NCKAP5: variants seen among roughly 807,000 people sequenced by gnomAD.
The protein encoded by NCKAP5 is nck-associated protein 5.
A neutral mutation model predicts 167.0 loss-of-function variants in NCKAP5; 92 were observed. The observed-to-expected ratio is 0.55, with a 90% confidence interval of 0.47 to 0.66. The LOEUF (loss-of-function observed/expected upper bound fraction) is 0.66. Among genes scored for constraint, NCKAP5 ranks in the 30% least tolerant of loss-of-function variants. The pLI is 0.00. For missense variants in NCKAP5, 2,378 were observed against 2,315.0 expected (o/e 1.03, Z -0.56); for synonymous variants, 891 against 877.4 (o/e 1.02, Z -0.27).
intron 3 of NCKAP5, among the ~76,000 whole-genome samples, chr2:133,328,603 A>C (rs1176367336): frequency 6.6e-6 from 1 of 152,218 alleles, no homozygotes; most frequent in Non-Finnish European, 1.5e-5. Context: ...ATGTAAGAGC[A>C]CTGGATAATG....
chr2:133,566,154 G>A (rs1345717812), intron 1 of NCKAP5, among the ~76,000 whole-genome samples: 3 of 152,114 alleles, frequency 2.0e-5, no homozygotes, highest in Admixed American at 6.5e-5. Context: ...GCTGAATACT[G>A]GAAACTGAGG....
At chr2:133,275,895 A>C (rs1456188527) in intron 4 of NCKAP5, among the ~76,000 whole-genome samples, 2 of 151,996 alleles carry the variant, frequency 1.3e-5, no homozygotes, top group Non-Finnish European at 2.9e-5. Flanking sequence ...GTTGACCCTT[A>C]AACAACACAG....
At chr2:132,940,872 A>T (rs143044284) in intron 8 of NCKAP5, among the ~76,000 whole-genome samples, 81 of 152,016 alleles carry the variant, frequency 5.3e-4, no homozygotes, top group African/African-American at 1.9e-3. Context: ...CATTTATTTG[A>T]TAATTATATT....
At chr2:133,241,564 A>G (rs184918017) in intron 4 of NCKAP5, among the ~76,000 whole-genome samples, 3 of 152,282 alleles carry the variant, frequency 2.0e-5, no homozygotes, top group Non-Finnish European at 2.9e-5. Flanking sequence ...TGAACTTCCC[A>G]GAGATGTAAG....
In NCKAP5 at chr2:132,786,062, G is replaced by A. The variant is rs72989590; in HGVS notation, c.1093-344C>T. 7.3e-3 allele frequency among the ~76,000 whole-genome samples: 1,108 copies of A among 152,354 alleles called. 16 individuals are homozygous for A. Among genetic ancestry groups the A allele is most frequent in the African/African-American group, 0.025 (1,039 of 41,586 alleles). On this transcript the variant is annotated intron_variant, in intron 13 of 19. Coordinates refer to ENST00000409261, the MANE Select transcript of NCKAP5 (RefSeq NM_207363.3). Reference sequence around the variant, plus strand: ...TTGTAAGTACTCTGGAGATTCAGAGGAGGGAGGCCACAGACAGGTCTATTT... The same window carrying A: ...TTGTAAGTACTCTGGAGATTCAGAGAAGGGAGGCCACAGACAGGTCTATTT...
At chr2:132,925,506 A>G (rs1272085369) in intron 8 of NCKAP5, among the ~76,000 whole-genome samples, 2 of 150,610 alleles carry the variant, frequency 1.3e-5, no homozygotes, top group Non-Finnish European at 3.0e-5. Context: ...AGTTTGCAGT[A>G]ATCCAAGATT....
chr2:132,839,099 T>G (rs1158123892), intron 11 of NCKAP5, among the ~76,000 whole-genome samples: 2 of 152,200 alleles, frequency 1.3e-5, no homozygotes, highest in East Asian at 1.9e-4. Flanking sequence ...CTTTGTATAT[T>G]ATAGATGTTT....
intron 11 of NCKAP5, among the ~76,000 whole-genome samples, chr2:132,834,872 G>A (rs554691429): frequency 6.6e-6 from 1 of 152,264 alleles, no homozygotes; most frequent in East Asian, 1.9e-4. Context: ...TTATGAAAGT[G>A]GGTATCTTTG....
intron 6 of NCKAP5, among the ~76,000 whole-genome samples, chr2:133,081,126 T>C (rs1238898776): frequency 6.6e-6 from 1 of 152,094 alleles, no homozygotes; most frequent in African/African-American, 2.4e-5. Flanking sequence ...ATCTGTGTAT[T>C]TCAAAGGCAT....
chr2:133,019,625 G>A (rs2078457526), intron 6 of NCKAP5, among the ~76,000 whole-genome samples: 1 of 152,094 alleles, frequency 6.6e-6, no homozygotes, highest in African/African-American at 2.4e-5. Context: ...TTTGGCAGCT[G>A]GCATTTTCAT....
chr2:132,912,498 A>G, intron 8 of NCKAP5, among the ~76,000 whole-genome samples: 1 of 152,168 alleles, frequency 6.6e-6, no homozygotes, highest in East Asian at 1.9e-4. Flanking sequence ...GAACATTCTG[A>G]TATCTTATTT....
chr2:133,407,651 G>C (rs1191665319), intron 3 of NCKAP5, among the ~76,000 whole-genome samples: 1 of 152,190 alleles, frequency 6.6e-6, no homozygotes, highest in Non-Finnish European at 1.5e-5. Flanking sequence ...TTTGAAATCT[G>C]TGTCTCCCTT....
intron 10 of NCKAP5, among the ~76,000 whole-genome samples, chr2:132,868,087 A>C (rs1690501965): frequency 6.6e-6 from 1 of 152,244 alleles, no homozygotes; most frequent in African/African-American, 2.4e-5. Context: ...AATTAAAAAA[A>C]TCAAAATGGC....
chr2:132,727,626 A>T (rs2105445024), intron 18 of NCKAP5, among the ~76,000 whole-genome samples: 1 of 152,296 alleles, frequency 6.6e-6, no homozygotes, highest in East Asian at 1.9e-4. Context: ...GTTTGACTTA[A>T]GGCATGGCAG....
At chr2:133,429,066 G>A (rs570921547) in intron 3 of NCKAP5, among the ~76,000 whole-genome samples, 90 of 152,124 alleles carry the variant, frequency 5.9e-4, no homozygotes, top group African/African-American at 1.8e-3. Flanking sequence ...TGCCCTCTGC[G>A]GGACGGTTAT....
chr2:133,462,242 A>C (rs973788000), intron 3 of NCKAP5, among the ~76,000 whole-genome samples: 1 of 152,098 alleles, frequency 6.6e-6, no homozygotes, highest in Non-Finnish European at 1.5e-5. Context: ...TTTGGGTCTC[A>C]CCTTCATTGG....
chr2:133,220,204 T>G (rs2086602899), intron 4 of NCKAP5, among the ~76,000 whole-genome samples: 1 of 152,252 alleles, frequency 6.6e-6, no homozygotes, highest in Non-Finnish European at 1.5e-5. Flanking sequence ...TGTTTTGTTT[T>G]GTTTGTGGCA....
At chr2:133,586,067 C>T in the NCKAP5 span, among the ~76,000 whole-genome samples, 2 of 152,126 alleles carry the variant, frequency 1.3e-5, no homozygotes, top group African/African-American at 2.4e-5. Context: ...GCAGATTTGG[C>T]GTTTCCTTCT....
intron 6 of NCKAP5, among the ~76,000 whole-genome samples, chr2:133,085,551 GTT>G (rs1294337579): frequency 6.6e-6 from 1 of 152,156 alleles, no homozygotes; most frequent in Non-Finnish European, 1.5e-5. Context: ...TACTGTTAGA[GTT>G]TGAGGTAGCA....
Sources: allele counts gnomAD v4.1 joint callset (sites outside exome capture counted in the v4.1 genomes callset), GRCh38; gene constraint gnomAD v4.1.1; transcripts MANE v1.5; gene names NCBI Gene and HGNC (gene_info 2026-07-23, HGNC 2026-07-21).